The following HS6ST3 variants were observed in gnomAD, a reference collection of about 807,000 sequenced individuals.
HS6ST3 encodes the protein heparan-sulfate 6-O-sulfotransferase 3.
A neutral mutation model predicts 36.7 loss-of-function variants in HS6ST3; 12 were observed. The observed-to-expected ratio is 0.33, with a 90% confidence interval of 0.21 to 0.53. HS6ST3 has a LOEUF of 0.53. Ranked by LOEUF, HS6ST3 falls within the 20% of genes least tolerant of loss-of-function variation. HS6ST3 has a pLI of 0.95. For synonymous variants in HS6ST3, 240 were observed against 257.5 expected (o/e 0.93, Z 0.65); for missense variants, 584 against 640.9 (o/e 0.91, Z 0.96).
In HS6ST3 at chr13:96,446,067, G is replaced by T. The variant is rs562716977; in HGVS notation, c.707+354498G>T. Among the ~76,000 whole-genome samples the T allele has an allele frequency of 2.0e-5, 3 of 151,758 alleles. No individual in the cohort carries two copies. In the East Asian group the frequency reaches 5.9e-4, roughly 30 times the overall value. On this transcript the variant is annotated intron_variant, in intron 1 of 1. Transcript: ENST00000376705. ...GGGTGCCTGTAGTCCCAGCTGCTGG[G>T]GATGCTGAGGCAGGAGAATGGCGTG...
chr13:96,671,972 G>A (rs1009980516), intron 1 of HS6ST3, among the ~76,000 whole-genome samples: 7 of 152,110 alleles, frequency 4.6e-5, no homozygotes, highest in Non-Finnish European at 8.8e-5. Context: ...TGCATGACAT[G>A]ATGAAATCAA....
intron 1 of HS6ST3, among the ~76,000 whole-genome samples, chr13:96,645,663 T>C (rs537917040): frequency 6.6e-6 from 1 of 152,004 alleles, no homozygotes; most frequent in Admixed American, 6.6e-5. Context: ...ATGAGCACTG[T>C]CTTAAGATAT....
At position 96,091,077 on chromosome 13, in the gene HS6ST3, C is replaced by T. The variant is rs2053760209; in HGVS notation, c.215C>T (p.Pro72Leu). 1.5e-6 allele frequency: 2 copies of T among 1,291,698 alleles called. No homozygotes were observed. The highest frequency in any genetic ancestry group is 2.0e-6 in the Non-Finnish European group (2 of 1,024,382). 80.0% of individuals were successfully genotyped at this position (1,291,698 alleles called of 1,614,324 possible). ...GAGTGGGAGCGGCGGCCCCAGTTGC[C>T]CCCGCCGCCCCGGGGGCCCCCCGAG... is the stretch of plus-strand genomic sequence containing the variant. ...PEEWERRPQL[P>L]PPPRGPPEGP... is the part of the protein sequence containing the mutation. The change falls in exon 1 of 2, where the codon CCC (proline) becomes CTC (leucine). Residue 72 changes from proline to leucine, a missense_variant. By Grantham distance (98) the Pro-to-Leu change is moderately conservative. Coordinates refer to ENST00000376705, the MANE Select transcript of HS6ST3 (RefSeq NM_153456.4).
chr13:96,671,500 G>A (rs959767906), intron 1 of HS6ST3, among the ~76,000 whole-genome samples: 1 of 152,094 alleles, frequency 6.6e-6, no homozygotes, highest in Non-Finnish European at 1.5e-5. Flanking sequence ...CTACTGTAAC[G>A]AAGCACCACA....
At chr13:96,356,243 C>T (rs1847108240) in intron 1 of HS6ST3, among the ~76,000 whole-genome samples, 1 of 152,126 alleles carries the variant, frequency 6.6e-6, no homozygotes, top group South Asian at 2.1e-4. Flanking sequence ...TTCCAAAATC[C>T]TGTTCATGTT....
chr13:96,132,956 ATT>A (rs966334310), intron 1 of HS6ST3, among the ~76,000 whole-genome samples: 1 of 148,662 alleles, frequency 6.7e-6, no homozygotes, highest in Non-Finnish European at 1.5e-5. Flanking sequence ...TTATTTGCCC[ATT>A]TTTTTTTAAT....
At chr13:96,746,325 G>T (rs1876561067) in intron 1 of HS6ST3, among the ~76,000 whole-genome samples, 1 of 151,950 alleles carries the variant, frequency 6.6e-6, no homozygotes, top group Admixed American at 6.6e-5. Flanking sequence ...TAAAACAGCT[G>T]CCCCCTAAAT....
At chr13:96,233,346 G>C in intron 1 of HS6ST3, among the ~76,000 whole-genome samples, 1 of 152,168 alleles carries the variant, frequency 6.6e-6, no homozygotes. Flanking sequence ...ATATTGCAGT[G>C]TTGCATCATT....
chr13:96,429,070 T>C (rs78432966), intron 1 of HS6ST3, among the ~76,000 whole-genome samples: 158 of 152,262 alleles, frequency 1.0e-3, no homozygotes, highest in African/African-American at 3.5e-3. Context: ...CAAAGAAACA[T>C]TGAAAAGGGC....
intron 1 of HS6ST3, among the ~76,000 whole-genome samples, chr13:96,650,462 G>A (rs2056603555): frequency 6.6e-6 from 1 of 151,620 alleles, no homozygotes; most frequent in African/African-American, 2.4e-5. Flanking sequence ...CACTTCTGAG[G>A]GACTCAAGGA....
intron 1 of HS6ST3, among the ~76,000 whole-genome samples, chr13:96,814,529 C>T (rs1385374673): frequency 6.6e-6 from 1 of 152,070 alleles, no homozygotes; most frequent in Non-Finnish European, 1.5e-5. Context: ...TAGGCCTTTT[C>T]AATTTCAATG....
At chr13:96,171,889 G>A (rs1042762677) in intron 1 of HS6ST3, among the ~76,000 whole-genome samples, 21 of 145,216 alleles carry the variant, frequency 1.4e-4, no homozygotes, top group Admixed American at 8.3e-4. Context: ...CACAAACCTC[G>A]TGTTCTAATA....
At chr13:96,342,665 G>A (rs1402565181) in intron 1 of HS6ST3, among the ~76,000 whole-genome samples, 1 of 152,098 alleles carries the variant, frequency 6.6e-6, no homozygotes, top group Non-Finnish European at 1.5e-5. Flanking sequence ...TGTTAATTCT[G>A]ATTTAATTTA....
chr13:96,119,005 C>G (rs955612857), intron 1 of HS6ST3, among the ~76,000 whole-genome samples: 4 of 151,826 alleles, frequency 2.6e-5, no homozygotes, highest in Admixed American at 2.0e-4. Context: ...CCACCGCGCC[C>G]GGCCACATTA....
chr13:96,597,858 CAAAT>C (rs1351755572), intron 1 of HS6ST3, among the ~76,000 whole-genome samples: 1 of 151,954 alleles, frequency 6.6e-6, no homozygotes, highest in East Asian at 1.9e-4. Context: ...TATCTGGTGA[CAAAT>C]AAGGATCCAG....
chr13:96,763,974 A>G (rs931219190), intron 1 of HS6ST3, among the ~76,000 whole-genome samples: 2 of 152,226 alleles, frequency 1.3e-5, no homozygotes, highest in African/African-American at 4.8e-5. Flanking sequence ...GTGCAGAAAA[A>G]TAGTAGAAAT....
intron 1 of HS6ST3, among the ~76,000 whole-genome samples, chr13:96,733,507 T>C (rs527560594): frequency 2.6e-5 from 4 of 152,348 alleles, no homozygotes; most frequent in African/African-American, 9.6e-5. Context: ...TACATTTCTT[T>C]TGATAGTTTA....
chr13:96,507,431 A>G (rs2056030896), intron 1 of HS6ST3, among the ~76,000 whole-genome samples: 1 of 152,144 alleles, frequency 6.6e-6, no homozygotes, highest in Non-Finnish European at 1.5e-5. Flanking sequence ...GATCCTAAGA[A>G]GAGAGCTCTG....
chr13:96,569,640 A>T (rs2056294115), intron 1 of HS6ST3, among the ~76,000 whole-genome samples: 1 of 152,192 alleles, frequency 6.6e-6, no homozygotes, highest in Non-Finnish European at 1.5e-5. Flanking sequence ...CATAACACCC[A>T]CATTTTCCTC....
Sources: allele counts gnomAD v4.1 joint callset (sites outside exome capture counted in the v4.1 genomes callset), GRCh38; gene constraint gnomAD v4.1.1; transcripts MANE v1.5; gene names NCBI Gene and HGNC (gene_info 2026-07-23, HGNC 2026-07-21).